Variants in THSD7B observed in about 807,000 individuals in gnomAD.
THSD7B encodes the protein thrombospondin type 1 domain containing 7B, also known as thrombospondin type-1 domain-containing protein 7B.
In THSD7B, 138 loss-of-function variants were observed where a neutral mutation model predicts 213.6. The ratio of observed to expected loss-of-function variants is 0.65; its 90% CI spans 0.56 to 0.74. The LOEUF (loss-of-function observed/expected upper bound fraction) is 0.74, where lower values mean the gene tolerates loss of function less well. THSD7B is among the 30% of genes least tolerant of loss of function. The pLI is 0.00. For missense variants in THSD7B, 1,931 were observed against 1,991.5 expected (o/e 0.97, Z 0.58); for synonymous variants, 742 against 687.0 (o/e 1.08, Z -1.25).
chr2:137,108,998 G>A (rs1688301020), intron 4 of THSD7B, among the ~76,000 whole-genome samples: 1 of 152,106 alleles, frequency 6.6e-6, no homozygotes. Context: ...AACAAATTTG[G>A]AATCATCCAT....
At chr2:136,919,049 T>C (rs552109238) in intron 2 of THSD7B, among the ~76,000 whole-genome samples, 34 of 152,308 alleles carry the variant, frequency 2.2e-4, no homozygotes, top group Middle Eastern at 3.4e-3. Context: ...GTGGTCTTGG[T>C]TCTAGTTCCT....
intron 7 of THSD7B, among the ~76,000 whole-genome samples, chr2:137,191,882 TGG>T (rs1680666731): frequency 6.6e-6 from 1 of 152,214 alleles, no homozygotes; most frequent in Non-Finnish European, 1.5e-5. Context: ...GTCTTTTTTA[TGG>T]CTTCATTGTA....
In THSD7B at chr2:137,325,239, A is replaced by C. The variant is rs2104884954; in HGVS notation, c.2500+49213A>C. On this transcript the variant is annotated intron_variant, in intron 12 of 27. Transcript: ENST00000409968. ...AACTCCACATCTGGGCCATCTCTGA[A>C]TGGAAGTGAAAAGAAAGCTCTGAAC... Among the ~76,000 whole-genome samples, 2 of 152,246 alleles carry C rather than the reference A, an allele frequency of 1.3e-5. 1 individual carries two copies. Among genetic ancestry groups the C allele is most frequent in the Middle Eastern group, 6.8e-3 (2 of 294 alleles).
intron 7 of THSD7B, among the ~76,000 whole-genome samples, chr2:137,186,162 T>G (rs1439831344): frequency 6.6e-6 from 1 of 152,210 alleles, no homozygotes; most frequent in African/African-American, 2.4e-5. Context: ...TGAAAATATT[T>G]CTTCCCATTC....
intron 22 of THSD7B, among the ~76,000 whole-genome samples, chr2:137,655,922 G>C (rs1419903131): frequency 1.3e-5 from 2 of 152,018 alleles, no homozygotes; most frequent in Admixed American, 1.3e-4. Flanking sequence ...TTTTACTTGG[G>C]GTATGTAGTC....
At chr2:137,584,763 T>G (rs923053417) in intron 17 of THSD7B, among the ~76,000 whole-genome samples, 9 of 152,214 alleles carry the variant, frequency 5.9e-5, no homozygotes, top group African/African-American at 1.9e-4. Context: ...GATTTTTGCA[T>G]CGATGTTCAT....
chr2:137,442,130 C>A (rs1353921197), intron 14 of THSD7B, among the ~76,000 whole-genome samples: 3 of 152,096 alleles, frequency 2.0e-5, no homozygotes, highest in African/African-American at 7.2e-5. Flanking sequence ...TCCCAGATGA[C>A]ATAAGGTTAG....
intron 20 of THSD7B, among the ~76,000 whole-genome samples, chr2:137,632,719 A>G (rs897676344): frequency 6.6e-5 from 10 of 152,224 alleles, no homozygotes; most frequent in African/African-American, 2.2e-4. Flanking sequence ...CCATAAAAGC[A>G]ATGTCAAAAG....
chr2:137,520,081 G>A (rs949246408), intron 15 of THSD7B, among the ~76,000 whole-genome samples: 6 of 152,184 alleles, frequency 3.9e-5, no homozygotes, highest in Admixed American at 1.3e-4. Flanking sequence ...ATTGTCCAAT[G>A]CCCTTAATAA....
intron 26 of THSD7B, among the ~76,000 whole-genome samples, chr2:137,666,473 G>C (rs574081779): frequency 6.6e-6 from 1 of 152,000 alleles, no homozygotes; most frequent in South Asian, 2.1e-4. Flanking sequence ...TAGTTGTAAT[G>C]TAATTGAAAG....
chr2:137,673,814 C>T (rs1269058368), intron 27 of THSD7B, among the ~76,000 whole-genome samples: 1 of 152,076 alleles, frequency 6.6e-6, no homozygotes, highest in Non-Finnish European at 1.5e-5. Context: ...CTATTCAAAG[C>T]CATAAAACTT....
At chr2:137,046,684 C>A in intron 2 of THSD7B, among the ~76,000 whole-genome samples, 1 of 143,318 alleles carries the variant, frequency 7.0e-6, no homozygotes, top group South Asian at 2.2e-4. Flanking sequence ...GAGCCAAGAT[C>A]ACGCCACTGC....
chr2:137,575,725 C>CACACATATATATATATATATATATAT (rs59620213), intron 17 of THSD7B, among the ~76,000 whole-genome samples: 1,867 of 110,388 alleles, frequency 0.017, 29 homozygotes, highest in Non-Finnish European at 0.024. Flanking sequence ...CCATAACACA[C>CACACATATATATATATATATATATAT]ATATATATAT....
chr2:136,963,446 T>G (rs1478862175), intron 2 of THSD7B, among the ~76,000 whole-genome samples: 1 of 151,804 alleles, frequency 6.6e-6, no homozygotes, highest in East Asian at 1.9e-4. Flanking sequence ...AGTTCAAGAG[T>G]AACCTGGGCA....
intron 12 of THSD7B, among the ~76,000 whole-genome samples, chr2:137,348,703 C>CT (rs80150345): frequency 0.016 from 1,797 of 110,868 alleles, 21 homozygotes; most frequent in African/African-American, 0.038. Context: ...CTATGAACTC[C>CT]TTTTTTTTTT....
intron 2 of THSD7B, among the ~76,000 whole-genome samples, chr2:136,902,326 A>G (rs1684076882): frequency 6.6e-6 from 1 of 152,238 alleles, no homozygotes; most frequent in Admixed American, 6.5e-5. Flanking sequence ...TTATGTTTTA[A>G]TAGTTTCAAA....
At chr2:137,012,845 C>T (rs1686256262) in intron 2 of THSD7B, among the ~76,000 whole-genome samples, 1 of 152,166 alleles carries the variant, frequency 6.6e-6, no homozygotes. Flanking sequence ...CAAAAATAAA[C>T]TTTCTAAATT....
chr2:137,566,777 G>A (rs1206591480), intron 16 of THSD7B, among the ~76,000 whole-genome samples: 1 of 151,694 alleles, frequency 6.6e-6, no homozygotes, highest in Non-Finnish European at 1.5e-5. Flanking sequence ...TATAATAGCA[G>A]TAGAGAAAAA....
intron 21 of THSD7B, among the ~76,000 whole-genome samples, chr2:137,654,180 T>C (rs1343574372): frequency 6.6e-6 from 1 of 152,214 alleles, no homozygotes; most frequent in Admixed American, 6.5e-5. Flanking sequence ...TTGCTTTGCT[T>C]CAGTAAACAA....
Sources: gnomAD v4.1 joint callset for allele counts (sites outside exome capture counted in the v4.1 genomes callset) on GRCh38, gnomAD v4.1.1 for gene constraint, MANE v1.5 for transcripts, NCBI Gene and HGNC (gene_info 2026-07-23, HGNC 2026-07-21) for gene names.